Variants in ADGRB3 observed in about 807,000 individuals in gnomAD.
The protein encoded by ADGRB3 is brain-specific angiogenesis inhibitor 3.
In ADGRB3, 37 loss-of-function variants were observed where a neutral mutation model predicts 193.4. That is an observed-to-expected ratio of 0.19 (90% CI 0.15 to 0.25). ADGRB3 has a LOEUF of 0.25. Ranked by LOEUF, ADGRB3 falls within the 10% of genes least tolerant of loss-of-function variation. ADGRB3 has a pLI of 1.00. For missense variants in ADGRB3, 1,637 were observed against 1,852.9 expected (o/e 0.88, Z 2.14); for synonymous variants, 690 against 644.2 (o/e 1.07, Z -1.08).
Position 69,075,850 on chromosome 6 carries a change from C to T in ADGRB3, c.2437-145C>T, listed in dbSNP as rs1190166235. The T allele has an allele frequency of 6.2e-6, 4 of 645,206 alleles. No individual in the cohort carries two copies. In the Admixed American group the frequency reaches 1.3e-4, roughly 21 times the overall value. 40.0% of individuals were successfully genotyped at this position (645,206 alleles called of 1,614,324 possible). A position where few individuals can be genotyped will look rare whatever the true frequency, so the allele number is the denominator to read the frequency against. ...TCTATGAGAAACGAAATGCAAATTTCTTATAAATAATTAAAAAGAAATCAT... is the reference window on the plus strand; with the variant it reads ...TCTATGAGAAACGAAATGCAAATTTTTTATAAATAATTAAAAAGAAATCAT... On this transcript the variant is annotated intron_variant, in intron 16 of 31. Coordinates refer to ENST00000370598, the MANE Select transcript of ADGRB3 (RefSeq NM_001704.3).
intron 3 of ADGRB3, among the ~76,000 whole-genome samples, chr6:68,700,359 C>CT (rs376861265): frequency 7.5e-4 from 114 of 151,276 alleles, no homozygotes; most frequent in East Asian, 5.3e-3. Flanking sequence ...TTCAAAACAC[C>CT]TTTTTTTTTC....
At chr6:69,264,687 C>T (rs1767003515) in intron 20 of ADGRB3, among the ~76,000 whole-genome samples, 1 of 151,792 alleles carries the variant, frequency 6.6e-6, no homozygotes, top group South Asian at 2.1e-4. Context: ...CACTCCACAC[C>T]CCCACCAACT....
chr6:68,695,606 C>T (rs9342729), intron 3 of ADGRB3, among the ~76,000 whole-genome samples: 5,001 of 151,976 alleles, frequency 0.033, 161 homozygotes, highest in East Asian at 0.13. Flanking sequence ...GACATTTCCT[C>T]GGTTTCTTTT....
At chr6:68,906,902 T>A (rs1427261563) in intron 3 of ADGRB3, among the ~76,000 whole-genome samples, 1 of 152,010 alleles carries the variant, frequency 6.6e-6, no homozygotes, top group Non-Finnish European at 1.5e-5. Flanking sequence ...ATCTATCACA[T>A]CTATTAATAT....
intron 20 of ADGRB3, among the ~76,000 whole-genome samples, chr6:69,306,167 G>A (rs1274806245): frequency 6.6e-6 from 1 of 151,366 alleles, no homozygotes; most frequent in Non-Finnish European, 1.5e-5. Context: ...GGGGTGAGAT[G>A]GGAGTTAGTA....
At position 68,713,389 on chromosome 6, in the gene ADGRB3, AT is replaced by A. The variant is rs560328566; in HGVS notation, c.757+73959del. Among the ~76,000 whole-genome samples the A allele has an allele frequency of 7.9e-5, 12 of 151,850 alleles. No individual in the cohort carries two copies. In the South Asian group the frequency reaches 2.5e-3, roughly 31 times the overall value. Reference sequence around the variant, plus strand: ...GATTTCCTGGAGTTGATGCTTCTTAATTCTTAGGCATAGTTTATATGGTCAC... The same window carrying A: ...GATTTCCTGGAGTTGATGCTTCTTAATCTTAGGCATAGTTTATATGGTCAC... On this transcript the variant is annotated intron_variant, in intron 3 of 31. Transcript: ENST00000370598.
chr6:68,804,025 G>A (rs1767359359), intron 3 of ADGRB3, among the ~76,000 whole-genome samples: 1 of 152,004 alleles, frequency 6.6e-6, no homozygotes, highest in South Asian at 2.1e-4. Context: ...TTTTTTGACT[G>A]ATTGCCTGTT....
chr6:69,018,703 C>T (rs1770169190), intron 13 of ADGRB3, among the ~76,000 whole-genome samples: 1 of 151,912 alleles, frequency 6.6e-6, no homozygotes, highest in Admixed American at 6.6e-5. Context: ...TTGTATTTAT[C>T]TTCATGCATT....
intron 3 of ADGRB3, among the ~76,000 whole-genome samples, chr6:68,888,339 T>G (rs4706713): frequency 0.23 from 34,955 of 152,012 alleles, 4,301 homozygotes; most frequent in South Asian, 0.35. Flanking sequence ...CATTAAATAA[T>G]TTGTTTCGTA....
chr6:68,770,599 C>G (rs1282898689), intron 3 of ADGRB3, among the ~76,000 whole-genome samples: 1 of 152,050 alleles, frequency 6.6e-6, no homozygotes. Context: ...TCATTCAGAC[C>G]TCTTCATTGT....
chr6:68,678,650 T>A lies in ADGRB3; in HGVS notation c.757+39218T>A, dbSNP rs117040057. ...ATTGAGGAATATATCCAGGTTTAGA[T>A]CATTTAAAGAATTCCTGCCTTTGGA... On this transcript the variant is annotated intron_variant, in intron 3 of 31. Transcript: ENST00000370598. Among the ~76,000 whole-genome samples the A allele has an allele frequency of 2.2e-3, 342 of 152,312 alleles. 1 individual carries two copies. Among genetic ancestry groups the A allele is most frequent in the Non-Finnish European group, 3.9e-3 (263 of 68,024 alleles).
intron 20 of ADGRB3, among the ~76,000 whole-genome samples, chr6:69,254,640 A>T (rs1027186414): frequency 6.6e-6 from 1 of 151,874 alleles, no homozygotes; most frequent in African/African-American, 2.4e-5. Flanking sequence ...GATATATCTT[A>T]TTGATTATCT....
intron 3 of ADGRB3, among the ~76,000 whole-genome samples, chr6:68,711,143 A>G (rs1490001817): frequency 6.6e-6 from 1 of 152,084 alleles, no homozygotes; most frequent in East Asian, 1.9e-4. Flanking sequence ...AACGAGGGCA[A>G]TTGATGCTAT....
chr6:69,297,372 C>CTCTT (rs1767847770), intron 20 of ADGRB3, among the ~76,000 whole-genome samples: 4 of 85,382 alleles, frequency 4.7e-5, no homozygotes, highest in Admixed American at 2.5e-4. Flanking sequence ...CTCTCTTTCT[C>CTCTT]TCTCTCTCTC....
chr6:69,112,514 A>T (rs1287329633), intron 17 of ADGRB3, among the ~76,000 whole-genome samples: 1 of 152,126 alleles, frequency 6.6e-6, no homozygotes, highest in Non-Finnish European at 1.5e-5. Flanking sequence ...ACGCTTCACA[A>T]GCACATTTCT....
At chr6:68,971,507 A>G (rs1008062696) in intron 8 of ADGRB3, among the ~76,000 whole-genome samples, 1 of 152,240 alleles carries the variant, frequency 6.6e-6, no homozygotes, top group Admixed American at 6.5e-5. Flanking sequence ...GGACCCATGC[A>G]GCTCAAACCT....
At chr6:68,833,560 T>A (rs201443212) in intron 3 of ADGRB3, among the ~76,000 whole-genome samples, 1 of 102,040 alleles carries the variant, frequency 9.8e-6, no homozygotes, top group Non-Finnish European at 2.1e-5. Context: ...TTTAACTGGA[T>A]AAGTATTCTT....
At chr6:68,919,315 C>T (rs1342262745) in intron 3 of ADGRB3, among the ~76,000 whole-genome samples, 1 of 151,380 alleles carries the variant, frequency 6.6e-6, no homozygotes, top group African/African-American at 2.4e-5. Flanking sequence ...ATTTTGGGCA[C>T]TGTGTGTTTG....
chr6:69,202,469 G>A (rs192476449), intron 17 of ADGRB3, among the ~76,000 whole-genome samples: 1 of 151,768 alleles, frequency 6.6e-6, no homozygotes, highest in Admixed American at 6.6e-5. Context: ...GAGAGAGAGA[G>A]ACGGAGAGAG....
Sources: gnomAD v4.1 joint callset for allele counts (sites outside exome capture counted in the v4.1 genomes callset) on GRCh38, gnomAD v4.1.1 for gene constraint, MANE v1.5 for transcripts, NCBI Gene and HGNC (gene_info 2026-07-23, HGNC 2026-07-21) for gene names.